Variants in FDX2 observed in about 807,000 individuals in gnomAD.
FDX2 encodes the protein ferredoxin 2, also known as ferredoxin-2, mitochondrial.
FDX2 carries 13 observed loss-of-function variants against 18.5 expected under a neutral mutation model. That is an observed-to-expected ratio of 0.70 (90% CI 0.46 to 1.12). FDX2 has a LOEUF of 1.12. Among genes scored for constraint, FDX2 ranks in the 50% most tolerant of loss-of-function variants. The probability of loss-of-function intolerance (pLI) is 0.00; values close to 1 mark genes in which losing one functional copy is unlikely to be tolerated. For synonymous variants in FDX2, 132 were observed against 106.2 expected, an observed-to-expected ratio of 1.24 and a Z score of -1.49; for missense variants, 238 against 250.4, an observed-to-expected ratio of 0.95 and a Z score of 0.34.
intron 3 of FDX2, among the ~76,000 whole-genome samples, chr19:10,312,876 T>C (rs2040338330): frequency 6.6e-6 from 1 of 152,090 alleles, no homozygotes; most frequent in Non-Finnish European, 1.5e-5. Flanking sequence ...GTGGCTCATG[T>C]CTGTAATCCC....
intron 3 of FDX2, 145 bp downstream of exon 3, chr19:10,315,241 T>C: frequency 1.6e-6 from 1 of 625,710 alleles, no homozygotes; most frequent in Non-Finnish European, 2.7e-6. Context: ...TGGCAACAGA[T>C]GAGGCCATGG....
rs751790431 is a variant in FDX2, at chr19:10,315,977, C to T, written c.29G>A (p.Arg10Gln). 13 of 1,608,626 alleles carry T rather than the reference C, an allele frequency of 8.1e-6. No homozygotes were observed. The Admixed American group carries it at 1.9e-4, about 23-fold the overall frequency. Residue 10 changes from arginine (R) to glutamine (Q), a missense_variant, in exon 1 of 5, where the codon CGG (arginine) becomes CAG (glutamine). By Grantham distance (43) the Arg-to-Gln change is conservative. Transcript: ENST00000393708. The stretch of plus-strand genomic sequence containing the variant: ...TAGAACCCTGGCACTCACGCCTCCC[C>T]GGGCCATGGAGGCGGCCATGACATG...
intron 3 of FDX2, among the ~76,000 whole-genome samples, chr19:10,312,955 G>A (rs1469728728): frequency 6.6e-6 from 1 of 152,136 alleles, no homozygotes; most frequent in African/African-American, 2.4e-5. Flanking sequence ...TGGCCAACAT[G>A]GCGAAACCCC....
chr19:10,311,396 A>ATTTTTTTTTTTTTTTTTTT lies in FDX2; in HGVS notation c.317-457_317-456insAAAAAAAAAAAAAAAAAAA, dbSNP rs34974235. On this transcript the variant is annotated intron_variant, in intron 3 of 4. Coordinates refer to ENST00000393708, the MANE Select transcript of FDX2 (RefSeq NM_001031734.4). ...GTGGGGGAAGGAATCAGGCATTAGG[A>ATTTTTTTTTTTTTTTTTTT]TTTTGTTTTTTTTTTTTTTGAGATG... Among the ~76,000 whole-genome samples the ATTTTTTTTTTTTTTTTTTT allele has an allele frequency of 1.4e-5, 2 of 143,438 alleles. 1 individual carries two copies. The allele number at this position is 143,438 out of a possible 152,430, so 94.1% of individuals were successfully genotyped here.
chr19:10,315,274 A>G (rs1047676035), intron 3 of FDX2, 112 bp downstream of exon 3: 7 of 838,060 alleles, frequency 8.4e-6, no homozygotes, highest in East Asian at 2.7e-5. Context: ...ATTTTAGTCC[A>G]TATTTGGTGG....
chr19:10,310,123 C>T lies in FDX2; in HGVS notation c.*363G>A, dbSNP rs1193612770. 1.2e-5 allele frequency: 3 copies of T among 242,574 alleles called. No homozygotes were observed. Among genetic ancestry groups the T allele is most frequent in the African/African-American group, 4.5e-5 (2 of 44,728 alleles). The allele number at this position is 242,574 out of a possible 1,614,324, so 15.0% of individuals were successfully genotyped here. A position where few individuals can be genotyped will look rare whatever the true frequency, so the allele number is the denominator to read the frequency against. On this transcript the variant is annotated 3_prime_UTR_variant, in exon 5 of 5. Transcript: ENST00000393708. ...CTTAAGCTCCTGGCCTCAAGTGATC[C>T]TCCCATCTTGGCTTCCCAAAGTGCT...
intron 3 of FDX2, 99 bp from the exon 4 acceptor site, chr19:10,311,039 G>T: frequency 2.5e-6 from 2 of 806,746 alleles, no homozygotes; most frequent in Non-Finnish European, 2.0e-6. Flanking sequence ...TCCACCACGT[G>T]CCTCACGTCT....
chr19:10,315,984 T>A lies in FDX2; in HGVS notation c.22A>T (p.Met8Leu), dbSNP rs373162679. 1 of 1,604,258 alleles carries A rather than the reference T, an allele frequency of 6.2e-7. No homozygotes were observed. The highest frequency in any genetic ancestry group is 8.5e-7 in the Non-Finnish European group (1 of 1,177,438). ...CTGGCACTCACGCCTCCCCGGGCCA[T>A]GGAGGCGGCCATGACATGCATCACG... The change falls in exon 1 of 5, where the codon ATG becomes TTG. Residue 8 changes from methionine (M) to leucine (L), a missense_variant. Transcript: ENST00000393708.
At position 10,315,990 on chromosome 19, in the gene FDX2, C is replaced by T. The variant is rs1278673076; in HGVS notation, c.16G>A (p.Ala6Thr). Residue 6 changes from alanine (A) to threonine (T), a missense_variant, in exon 1 of 5, where the codon GCC becomes ACC. By Grantham distance (58) the Ala-to-Thr change is moderately conservative. Transcript: ENST00000393708. Reference sequence around the variant, plus strand: ...CTCACGCCTCCCCGGGCCATGGAGGCGGCCATGACATGCATCACGTGACTC... The same window carrying T: ...CTCACGCCTCCCCGGGCCATGGAGGTGGCCATGACATGCATCACGTGACTC... The T allele has an allele frequency of 1.9e-6, 3 of 1,604,492 alleles. No individual in the cohort carries two copies. The highest frequency in any genetic ancestry group is 1.7e-6 in the Non-Finnish European group (2 of 1,177,666).
chr19:10,310,595 C>T lies in FDX2; in HGVS notation c.452G>A (p.Arg151Gln), dbSNP rs765480349. ...TGTCAGCACAATCTGGCAGCCCAGCCGCGAGTTCTCCTGGAGGAGGGGGGC... is the reference window on the plus strand; with the variant it reads ...TGTCAGCACAATCTGGCAGCCCAGCTGCGAGTTCTCCTGGAGGAGGGGGGC... Residue 151 changes from arginine (R) to glutamine (Q), a missense_variant, in exon 5 of 5, where the codon CGG (arginine) becomes CAG (glutamine). Transcript: ENST00000393708. 6.2e-6 allele frequency: 10 copies of T among 1,613,642 alleles called. No individual in the cohort carries two copies. The Admixed American group carries it at 8.3e-5, about 13-fold the overall frequency.
At chr19:10,313,746 G>A (rs1208975981) in intron 3 of FDX2, among the ~76,000 whole-genome samples, 5 of 124,046 alleles carry the variant, frequency 4.0e-5, no homozygotes, top group African/African-American at 6.2e-5. Flanking sequence ...GTGCAGTGGC[G>A]TGATCTTGGC....
In FDX2 at chr19:10,315,720, TC is replaced by T. The variant is rs1483330873; in HGVS notation, c.193del (p.Glu65SerfsTer7). ...CTGCACTCACACGTCCCCGGGCCGC[TC>T]CGGGCCGCCCGCGTCCTCCTCTCCA... On this transcript the variant is annotated frameshift_variant, in exon 2 of 5. Transcript: ENST00000393708. LOFTEE classifies it high-confidence loss of function. 3.9e-6 allele frequency: 6 copies of T among 1,553,532 alleles called. No homozygotes were observed. Among genetic ancestry groups the T allele is most frequent in the Non-Finnish European group, 5.2e-6 (6 of 1,150,228 alleles).
intron 3 of FDX2, among the ~76,000 whole-genome samples, chr19:10,312,393 A>G (rs2040333890): frequency 6.6e-6 from 1 of 152,076 alleles, no homozygotes; most frequent in Admixed American, 6.6e-5. Context: ...ACATCCTCTG[A>G]TCACAGAGAC....
intron 3 of FDX2, 112 bp from the exon 4 acceptor site, chr19:10,311,052 C>T (rs147759965): frequency 1.4e-6 from 1 of 694,846 alleles, no homozygotes; most frequent in Non-Finnish European, 2.4e-6. Context: ...TCACGTCTCC[C>T]TCCTGGGCCT....
chr19:10,316,011 G>A lies in FDX2; in HGVS notation c.-6C>T, dbSNP rs755146983. The A allele has an allele frequency of 6.3e-7, 1 of 1,594,974 alleles. No individual in the cohort carries two copies. Among genetic ancestry groups the A allele is most frequent in the African/African-American group, 1.4e-5 (1 of 73,552 alleles). ...GAGGCGGCCATGACATGCATCACGT[G>A]ACTCACCGACTGAGCATGCGCCGCG... On this transcript the variant is annotated 5_prime_UTR_variant, in exon 1 of 5. Transcript: ENST00000393708.
In FDX2 at chr19:10,310,826, C is replaced by T. The variant is rs746495780; in HGVS notation, c.404+27G>A. 6.2e-6 allele frequency: 10 copies of T among 1,607,504 alleles called. No homozygotes were observed. The African/African-American group carries it at 1.3e-4, about 22-fold the overall frequency. ...TGCTGAATGCTCCAGGGTGAAGCTGCCAGCTAGACAGGGCTGACCCACTCA... is the reference window on the plus strand; with the variant it reads ...TGCTGAATGCTCCAGGGTGAAGCTGTCAGCTAGACAGGGCTGACCCACTCA... On this transcript the variant is annotated intron_variant, in intron 4 of 4. Coordinates refer to ENST00000393708, the MANE Select transcript of FDX2 (RefSeq NM_001031734.4).
chr19:10,314,140 C>T (rs1054823358), intron 3 of FDX2, among the ~76,000 whole-genome samples: 26 of 151,976 alleles, frequency 1.7e-4, no homozygotes, highest in African/African-American at 5.6e-4. Context: ...TGTGCCACCA[C>T]GCCCAGCTAA....
intron 4 of FDX2, 96 bp from the exon 5 acceptor site, chr19:10,310,738 G>T (rs538771593): frequency 2.3e-5 from 34 of 1,462,466 alleles, no homozygotes; most frequent in South Asian, 4.8e-5. Context: ...CTGAGCGCAG[G>T]GGGTAGTGGT....
Position 10,310,746 on chromosome 19 carries a change from G to A in FDX2, c.405-104C>T, listed in dbSNP as rs561646893. ...AAGCTGACTGAGCGCAGGGGGTAGT[G>A]GTGGGGGAGGCAGCTCCCATTCCAG... On this transcript the variant is annotated intron_variant, in intron 4 of 4. Coordinates refer to ENST00000393708, the MANE Select transcript of FDX2 (RefSeq NM_001031734.4). 7.0e-4 allele frequency: 1,028 copies of A among 1,468,134 alleles called. 8 individuals carry two copies. Among genetic ancestry groups the A allele is most frequent in the Non-Finnish European group, 2.2e-4 (236 of 1,068,090 alleles). The allele number at this position is 1,468,134 out of a possible 1,614,324, so 90.9% of individuals were successfully genotyped here. A position where few individuals can be genotyped will look rare whatever the true frequency, so the allele number is the denominator to read the frequency against.
Sources: gnomAD v4.1 joint callset for allele counts (sites outside exome capture counted in the v4.1 genomes callset) on GRCh38, gnomAD v4.1.1 for gene constraint, MANE v1.5 for transcripts, NCBI Gene and HGNC (gene_info 2026-07-23, HGNC 2026-07-21) for gene names.